DGKB: variants seen among roughly 807,000 people sequenced by gnomAD.
The protein encoded by DGKB is diacylglycerol kinase beta.
A neutral mutation model predicts 114.3 loss-of-function variants in DGKB; 67 were observed. The ratio of observed to expected loss-of-function variants is 0.59; its 90% confidence interval spans 0.48 to 0.72. The LOEUF (loss-of-function observed/expected upper bound fraction) is 0.72, where lower values mean the gene tolerates loss of function less well. DGKB is among the 30% of genes least tolerant of loss of function. DGKB has a pLI of 0.00. For synonymous variants in DGKB, 398 were observed against 323.1 expected (o/e 1.23, Z -2.49); for missense variants, 907 against 975.2 (o/e 0.93, Z 0.93).
chr7:14,939,723 C>T (rs2128254072), intron 1 of DGKB, among the ~76,000 whole-genome samples: 1 of 140,364 alleles, frequency 7.1e-6, no homozygotes, highest in African/African-American at 2.7e-5. Context: ...ATGCCATTCT[C>T]CTGCCTCAGA....
intron 1 of DGKB, among the ~76,000 whole-genome samples, chr7:14,937,048 A>G (rs931500896): frequency 2.7e-5 from 4 of 147,860 alleles, no homozygotes; most frequent in African/African-American, 9.9e-5. Flanking sequence ...ACACACACAC[A>G]CACACACACA....
chr7:14,845,302 A>G (rs1848498683), intron 1 of DGKB, among the ~76,000 whole-genome samples: 1 of 152,118 alleles, frequency 6.6e-6, no homozygotes, highest in African/African-American at 2.4e-5. Flanking sequence ...CATACAGACC[A>G]TCCCTTCATT....
intron 13 of DGKB, among the ~76,000 whole-genome samples, chr7:14,638,731 C>T (rs1811195253): frequency 6.6e-6 from 1 of 152,070 alleles, no homozygotes; most frequent in Admixed American, 6.6e-5. Context: ...TGGGATATAT[C>T]TGAGAGGAAA....
rs547594374 is a variant in DGKB, at chr7:14,685,985, G to C, written c.712-623C>G. Among the ~76,000 whole-genome samples the C allele has an allele frequency of 3.2e-4, 49 of 152,014 alleles. No individual in the cohort carries two copies. In the South Asian group the frequency reaches 9.8e-3, roughly 30 times the overall value. On this transcript the variant is annotated intron_variant, in intron 9 of 25. Coordinates refer to ENST00000402815, the MANE Select transcript of DGKB (RefSeq NM_001350709.2). ...TGCCACAAATAGTATATTTTAAAAG[G>C]CAAACTTTTTAAAGGATTTCATTAT...
intron 2 of DGKB, among the ~76,000 whole-genome samples, chr7:14,801,491 A>G (rs1376367609): frequency 6.6e-6 from 1 of 152,152 alleles, no homozygotes; most frequent in Non-Finnish European, 1.5e-5. Context: ...TGGTGAACTT[A>G]GTAAAATAGA....
At chr7:14,521,864 C>T (rs1789823217) in intron 20 of DGKB, among the ~76,000 whole-genome samples, 1 of 152,074 alleles carries the variant, frequency 6.6e-6, no homozygotes, top group African/African-American at 2.4e-5. Context: ...TTTTATGCAA[C>T]ATAACAACTC....
Position 14,467,349 on chromosome 7 carries a change from C to G in DGKB, c.1835+10812G>C, listed in dbSNP as rs116974216. Among the ~76,000 whole-genome samples, 1,290 of 150,692 alleles carry G rather than the reference C, an allele frequency of 8.6e-3. 145 individuals carry two copies. In the East Asian group the frequency reaches 0.23, roughly 26 times the overall value. On this transcript the variant is annotated intron_variant, in intron 21 of 25. Coordinates refer to ENST00000402815, the MANE Select transcript of DGKB (RefSeq NM_001350709.2). ...GCATGTGTGAAATATCTTGATTTAG[C>G]CATTCCACAATGTATACAAACATCA...
At chr7:14,695,494 C>CTCTTTTTTTTTTTTT (rs1823671843) in intron 8 of DGKB, among the ~76,000 whole-genome samples, 15 of 75,168 alleles carry the variant, frequency 2.0e-4, no homozygotes, top group Admixed American at 6.0e-4. Context: ...CTCTCTCTCT[C>CTCTTTTTTTTTTTTT]TTTTTTTTTT....
At chr7:14,749,537 A>C (rs1833826861) in intron 4 of DGKB, among the ~76,000 whole-genome samples, 2 of 152,210 alleles carry the variant, frequency 1.3e-5, no homozygotes. Flanking sequence ...AATTACAAAA[A>C]GCAAATAATG....
intron 2 of DGKB, among the ~76,000 whole-genome samples, chr7:14,789,633 A>G (rs929013582): frequency 2.6e-5 from 4 of 152,084 alleles, no homozygotes; most frequent in Non-Finnish European, 5.9e-5. Flanking sequence ...TCGCTCACTG[A>G]AGCCTTGACC....
At chr7:14,272,818 A>C (rs1441206689) in intron 23 of DGKB, among the ~76,000 whole-genome samples, 3 of 152,178 alleles carry the variant, frequency 2.0e-5, no homozygotes, top group African/African-American at 7.2e-5. Flanking sequence ...TACCATCCTT[A>C]AGTGAAAGAT....
At chr7:14,441,404 T>G (rs762775887) in intron 21 of DGKB, among the ~76,000 whole-genome samples, 10 of 152,178 alleles carry the variant, frequency 6.6e-5, no homozygotes, top group Non-Finnish European at 1.2e-4. Context: ...TTGTCAATTA[T>G]AGACCTTGAA....
chr7:14,211,457 A>C (rs867805456), intron 23 of DGKB, among the ~76,000 whole-genome samples: 1 of 45,356 alleles, frequency 2.2e-5, no homozygotes, highest in African/African-American at 1.9e-4. Context: ...ATTTACTCTC[A>C]TGTTTTGTGA....
chr7:14,611,812 T>C (rs1167408840), intron 16 of DGKB, among the ~76,000 whole-genome samples: 1 of 151,836 alleles, frequency 6.6e-6, no homozygotes, highest in Non-Finnish European at 1.5e-5. Context: ...ATTATCTTAA[T>C]TGGAGAAAAA....
At chr7:14,710,506 T>C (rs1394710740) in intron 6 of DGKB, among the ~76,000 whole-genome samples, 2 of 152,154 alleles carry the variant, frequency 1.3e-5, no homozygotes, top group Non-Finnish European at 2.9e-5. Flanking sequence ...CTTATTGCCA[T>C]GAGCAATGAT....
At chr7:14,292,149 G>A (rs149403467) in intron 23 of DGKB, among the ~76,000 whole-genome samples, 67 of 152,306 alleles carry the variant, frequency 4.4e-4, no homozygotes, top group African/African-American at 1.6e-3. Context: ...AAATAATTGT[G>A]AATGTCTTTT....
At chr7:14,851,715 C>G (rs1849375197) in intron 1 of DGKB, among the ~76,000 whole-genome samples, 1 of 152,170 alleles carries the variant, frequency 6.6e-6, no homozygotes. Context: ...TTCAGCCTTT[C>G]TTTCTTGGGA....
rs1424671417 is a variant in DGKB at position 14,691,576 on chromosome 7, A to G, written c.711+2499T>C. ...TTTTAAAACAATTACCATGCCTTAGAATTCAACAGCTCTTTCTAACAAATA... is the reference window on the plus strand; with the variant it reads ...TTTTAAAACAATTACCATGCCTTAGGATTCAACAGCTCTTTCTAACAAATA... On this transcript the variant is annotated intron_variant, in intron 9 of 25. Coordinates refer to ENST00000402815, the MANE Select transcript of DGKB (RefSeq NM_001350709.2). Among the ~76,000 whole-genome samples the G allele has an allele frequency of 5.3e-5, 8 of 152,318 alleles. No homozygotes were observed. In the South Asian group the frequency reaches 1.0e-3, roughly 20 times the overall value.
intron 1 of DGKB, among the ~76,000 whole-genome samples, chr7:14,880,354 A>G (rs1284463602): frequency 2.0e-5 from 3 of 152,142 alleles, no homozygotes; most frequent in African/African-American, 7.2e-5. Context: ...GCTACTCGGG[A>G]GGCTGAGGTA....
Sources: allele counts gnomAD v4.1 joint callset (sites outside exome capture counted in the v4.1 genomes callset), GRCh38; gene constraint gnomAD v4.1.1; transcripts MANE v1.5; gene names NCBI Gene and HGNC (gene_info 2026-07-23, HGNC 2026-07-21).